Variants in PALLD observed in about 807,000 individuals in gnomAD.
PALLD encodes palladin.
A neutral mutation model predicts 123.5 loss-of-function variants in PALLD; 61 were observed. The ratio of observed to expected loss-of-function variants is 0.49; its 90% CI spans 0.40 to 0.61. PALLD has a LOEUF of 0.61. Among genes scored for constraint, PALLD ranks in the 20% least tolerant of loss-of-function variants. PALLD has a pLI of 0.00. For synonymous variants in PALLD, 465 were observed against 496.4 expected (o/e 0.94, Z 0.84); for missense variants, 1,273 against 1,377.0 (o/e 0.92, Z 1.20).
chr4:168,706,882 A>C lies in PALLD; in HGVS notation c.1502-2146A>C, dbSNP rs376222113. ...TAGAATCAAATACAACAAACTCTGC[A>C]TTTGCCTTTGAAGAGTGAGATTATT... On this transcript the variant is annotated intron_variant, in intron 8 of 21. Transcript: ENST00000505667. Among the ~76,000 whole-genome samples, 52 of 152,302 alleles carry C rather than the reference A, an allele frequency of 3.4e-4. 1 individual carries two copies. In the East Asian group the frequency reaches 4.8e-3, roughly 14 times the overall value.
intron 10 of PALLD, among the ~76,000 whole-genome samples, chr4:168,834,730 C>T (rs1451662038): frequency 1.3e-5 from 2 of 151,906 alleles, no homozygotes; most frequent in Admixed American, 6.6e-5. Flanking sequence ...GAGCGAGACT[C>T]CATCTAAAAA....
intron 10 of PALLD, among the ~76,000 whole-genome samples, chr4:168,735,587 T>C (rs1448555763): frequency 6.6e-6 from 1 of 152,222 alleles, no homozygotes; most frequent in African/African-American, 2.4e-5. Flanking sequence ...AACCCATTCA[T>C]ACTTTGAGAC....
chr4:168,850,964 C>T (rs71622314), intron 10 of PALLD, among the ~76,000 whole-genome samples: 12,573 of 152,212 alleles, frequency 0.083, 603 homozygotes, highest in South Asian at 0.17. Flanking sequence ...ATTCCATGGG[C>T]AGGCAAGAAA....
At chr4:168,776,744 G>A (rs1735218040) in intron 10 of PALLD, among the ~76,000 whole-genome samples, 1 of 152,096 alleles carries the variant, frequency 6.6e-6, no homozygotes, top group African/African-American at 2.4e-5. Context: ...TGCCTCTATT[G>A]AGATGATCAT....
At chr4:168,636,055 C>T (rs1350047797) in intron 2 of PALLD, among the ~76,000 whole-genome samples, 1 of 152,144 alleles carries the variant, frequency 6.6e-6, no homozygotes, top group Non-Finnish European at 1.5e-5. Flanking sequence ...ATGTGATCAT[C>T]AGAACCACAT....
rs1047835552 is a variant in PALLD, at chr4:168,921,562, G to C, written c.2879G>C (p.Ser960Thr). ...AGTGGGTTACCAACCCCAGATCTAA[G>C]CTGGCAACTAGATGGAAAGCCCGTA... Reference protein sequence around the residue: ...KVSGLPTPDLSWQLDGKPVRP... With the variant: ...KVSGLPTPDLTWQLDGKPVRP... The change falls in exon 18 of 22, where the codon AGC becomes ACC. Residue 960 changes from serine (S) to threonine (T), a missense_variant. Ser to Thr is a moderately conservative substitution (Grantham distance 58). This residue lies in a region of PALLD where 329 missense variants were observed against 422.5 expected (regional missense o/e 0.78). Coordinates refer to ENST00000505667, the MANE Select transcript of PALLD (RefSeq NM_001166108.2). 1 of 1,608,044 alleles carries C rather than the reference G, an allele frequency of 6.2e-7. No homozygotes were observed. The highest frequency in any genetic ancestry group is 1.4e-5 in the African/African-American group (1 of 73,366).
chr4:168,876,106 G>T (rs1751708778), intron 10 of PALLD, among the ~76,000 whole-genome samples: 1 of 152,246 alleles, frequency 6.6e-6, no homozygotes, highest in Admixed American at 6.5e-5. Flanking sequence ...GCTGAAGGGT[G>T]TGGAAGAGTG....
At chr4:168,672,239 T>C (rs1399856085) in intron 3 of PALLD, among the ~76,000 whole-genome samples, 1 of 152,248 alleles carries the variant, frequency 6.6e-6, no homozygotes, top group Admixed American at 6.5e-5. Flanking sequence ...ATCATTTGTT[T>C]GTGTTGAGAA....
At position 168,499,532 on chromosome 4, in the gene PALLD, G is replaced by C. The variant is rs1218645842; in HGVS notation, c.-83+2338G>C. On this transcript the variant is annotated intron_variant, in intron 1 of 21. Coordinates refer to ENST00000505667, the MANE Select transcript of PALLD (RefSeq NM_001166108.2). ...ATCAATGGTTTGCATTACTTTTTTA[G>C]TAATTGCTTAAATATGAAAATAAAA... Among the ~76,000 whole-genome samples, 6 of 108,908 alleles carry C rather than the reference G, an allele frequency of 5.5e-5. No homozygotes were observed. In the East Asian group the frequency reaches 1.7e-3, roughly 31 times the overall value. 71.4% of individuals were successfully genotyped at this position (108,908 alleles called of 152,430 possible). A position where few individuals can be genotyped will look rare whatever the true frequency, so the allele number is the denominator to read the frequency against.
At position 168,750,518 on chromosome 4, in the gene PALLD, A is replaced by G. The variant is rs78029537; in HGVS notation, c.1964+38595A>G. On this transcript the variant is annotated intron_variant, in intron 10 of 21. Transcript: ENST00000505667. ...ACTTGTGGTTTAGGATATGTTCACC[A>G]TGTTGCAGAAATTATATATATATTT... Among the ~76,000 whole-genome samples the G allele has an allele frequency of 4.3e-3, 652 of 152,330 alleles. 1 individual carries two copies. Among genetic ancestry groups the G allele is most frequent in the African/African-American group, 0.015 (605 of 41,576 alleles).
chr4:168,506,548 T>C lies in PALLD; in HGVS notation c.-82-4875T>C, dbSNP rs984107744. Among the ~76,000 whole-genome samples, 113 of 152,208 alleles carry C rather than the reference T, an allele frequency of 7.4e-4. 1 individual carries two copies. Among genetic ancestry groups the C allele is most frequent in the African/African-American group, 2.6e-3 (108 of 41,436 alleles). On this transcript the variant is annotated intron_variant, in intron 1 of 21. Transcript: ENST00000505667. ...CTTACATCTTTTGAGAGCTGACCTA[T>C]AAATCATCCCCGCTTTTTTACATTT...
rs947302591 is a variant in PALLD at position 168,512,490 on chromosome 4, T to C, written c.908+78T>C. ...CTTTAATATGGGAGGAAGAAAGATT[T>C]CCTGTGTCATTAGCCCTCTGGAGAC... On this transcript the variant is annotated intron_variant, in intron 2 of 21. Coordinates refer to ENST00000505667, the MANE Select transcript of PALLD (RefSeq NM_001166108.2). 4 of 1,313,484 alleles carry C rather than the reference T, an allele frequency of 3.0e-6. No individual in the cohort carries two copies. The African/African-American group carries it at 4.4e-5, about 14-fold the overall frequency. 81.4% of individuals were successfully genotyped at this position (1,313,484 alleles called of 1,614,324 possible). A position where few individuals can be genotyped will look rare whatever the true frequency, so the allele number is the denominator to read the frequency against.
At chr4:168,910,817 G>A (rs916025474) in intron 15 of PALLD, among the ~76,000 whole-genome samples, 4 of 152,102 alleles carry the variant, frequency 2.6e-5, no homozygotes, top group Non-Finnish European at 5.9e-5. Flanking sequence ...GGTATTTAAG[G>A]CTCATTCCAG....
In PALLD at chr4:168,681,479, T is replaced by G. The variant is rs1397865712; in HGVS notation, c.1154+81T>G. 9 of 920,366 alleles carry G rather than the reference T, an allele frequency of 9.8e-6. No individual in the cohort carries two copies. In the African/African-American group the frequency reaches 1.3e-4, roughly 13 times the overall value. The allele number at this position is 920,366 out of a possible 1,614,324, so 57.0% of individuals were successfully genotyped here. On this transcript the variant is annotated intron_variant, in intron 4 of 21. Coordinates refer to ENST00000505667, the MANE Select transcript of PALLD (RefSeq NM_001166108.2). ...TTGGGGTATGAAACCATGTTTGCTG[T>G]GCTTTGAAGAAAAAAGTCAACTGAT...
chr4:168,538,584 G>C (rs1454958342), intron 2 of PALLD, among the ~76,000 whole-genome samples: 1 of 152,064 alleles, frequency 6.6e-6, no homozygotes, highest in Non-Finnish European at 1.5e-5. Flanking sequence ...TTCTGTGACA[G>C]GTCATTCCAG....
chr4:168,619,472 G>T (rs1225615065), intron 2 of PALLD, among the ~76,000 whole-genome samples: 5 of 152,236 alleles, frequency 3.3e-5, no homozygotes, highest in African/African-American at 1.2e-4. Context: ...AATCCAACCT[G>T]CACATGAAGA....
intron 10 of PALLD, among the ~76,000 whole-genome samples, chr4:168,889,873 C>A (rs554892859): frequency 5.3e-5 from 8 of 152,324 alleles, no homozygotes; most frequent in African/African-American, 1.9e-4. Flanking sequence ...GTCCAGGGAC[C>A]ACACCTTGAG....
intron 10 of PALLD, among the ~76,000 whole-genome samples, chr4:168,770,336 G>A (rs956299338): frequency 2.6e-5 from 4 of 152,178 alleles, no homozygotes; most frequent in South Asian, 2.1e-4. Flanking sequence ...GCTTTTGTGT[G>A]TACCCCTCTG....
chr4:168,920,313 C>A (rs1761190080), intron 17 of PALLD, among the ~76,000 whole-genome samples: 1 of 152,198 alleles, frequency 6.6e-6, no homozygotes, highest in African/African-American at 2.4e-5. Flanking sequence ...TTTAAGTTTA[C>A]TTTAAATGCT....
Sources: gnomAD v4.1 joint callset for allele counts (sites outside exome capture counted in the v4.1 genomes callset) on GRCh38, gnomAD v4.1.1 for gene constraint, gnomAD v4.1.1 regional missense constraint, MANE v1.5 for transcripts, NCBI Gene and HGNC (gene_info 2026-07-23, HGNC 2026-07-21) for gene names.